The following SGSM3 variants were observed in gnomAD, a reference collection of about 807,000 sequenced individuals.
SGSM3 encodes the protein small G protein signaling modulator 3.
SGSM3 carries 96 observed loss-of-function variants against 100.5 expected under a neutral mutation model. The observed-to-expected ratio is 0.96, with a 90% CI of 0.81 to 1.13. The LOEUF (loss-of-function observed/expected upper bound fraction) is 1.13, where lower values mean the gene tolerates loss of function less well. Among genes scored for constraint, SGSM3 ranks in the 50% most tolerant of loss-of-function variants. SGSM3 has a pLI of 0.00. For synonymous variants in SGSM3, 483 were observed against 422.8 expected (o/e 1.14, Z -1.75); for missense variants, 1,001 against 1,015.8 (o/e 0.99, Z 0.20).
intron 1 of SGSM3, among the ~76,000 whole-genome samples, chr22:40,386,379 C>T (rs961763678): frequency 1.3e-5 from 2 of 152,036 alleles, no homozygotes; most frequent in African/African-American, 2.4e-5. Flanking sequence ...AGGACAACCT[C>T]GTGACGTATC....
intron 1 of SGSM3, among the ~76,000 whole-genome samples, chr22:40,383,180 A>G (rs1259505592): frequency 2.0e-5 from 3 of 152,170 alleles, no homozygotes; most frequent in South Asian, 2.1e-4. Context: ...AGAAGTCAGT[A>G]GGAACGGCCG....
intron 1 of SGSM3, chr22:40,390,340 C>G (rs969863755): frequency 3.3e-5 from 5 of 152,220 alleles, no homozygotes; most frequent in African/African-American, 1.2e-4. Context: ...AAATTTCTCC[C>G]CTTTTTAACA....
At position 40,383,424 on chromosome 22, in the gene SGSM3, G is replaced by A. The variant is rs139617957; in HGVS notation, c.-112+12736G>A. Among the ~76,000 whole-genome samples, 346 of 148,794 alleles carry A rather than the reference G, an allele frequency of 2.3e-3. 1 individual carries two copies. The highest frequency in any genetic ancestry group is 4.0e-3 in the Non-Finnish European group (271 of 67,628). On this transcript the variant is annotated intron_variant, in intron 1 of 21. Coordinates refer to ENST00000248929, the MANE Select transcript of SGSM3 (RefSeq NM_015705.6). ...GGAGCTCGCAGTGAGCCGAGATCAC[G>A]CCACTGCACTCCACCCTTGGCGACA...
intron 1 of SGSM3, among the ~76,000 whole-genome samples, chr22:40,383,938 T>C (rs1218924761): frequency 6.6e-6 from 1 of 152,058 alleles, no homozygotes; most frequent in Non-Finnish European, 1.5e-5. Flanking sequence ...TTGCAACTGA[T>C]TTGATATGAG....
chr22:40,386,735 T>G (rs917761687), intron 1 of SGSM3, among the ~76,000 whole-genome samples: 2 of 152,034 alleles, frequency 1.3e-5, no homozygotes, highest in African/African-American at 4.8e-5. Context: ...AGTTTCTTTT[T>G]TCAAAAAGTA....
chr22:40,370,844 C>T (rs778174890), intron 1 of SGSM3, among the ~76,000 whole-genome samples, 156 bp downstream of exon 1: 3 of 152,152 alleles, frequency 2.0e-5, no homozygotes, highest in South Asian at 4.1e-4. Flanking sequence ...GGAGAGCCGC[C>T]GGGCCGACCT....
At chr22:40,377,895 A>G (rs372546066) in intron 1 of SGSM3, among the ~76,000 whole-genome samples, 19 of 151,980 alleles carry the variant, frequency 1.3e-4, no homozygotes, top group African/African-American at 4.6e-4. Flanking sequence ...TAACCTGAAG[A>G]GGAGAGAAAT....
chr22:40,376,846 A>G (rs1316273910), intron 1 of SGSM3, among the ~76,000 whole-genome samples: 5 of 152,236 alleles, frequency 3.3e-5, no homozygotes, highest in African/African-American at 9.6e-5. Flanking sequence ...TAAAATCTAT[A>G]TAAAATGGCT....
In SGSM3 at chr22:40,405,768, T is replaced by A; in HGVS notation, c.738T>A (p.Thr246=). 1 of 1,613,744 alleles carries A rather than the reference T, an allele frequency of 6.2e-7. No homozygotes were observed. Among genetic ancestry groups the A allele is most frequent in the Non-Finnish European group, 8.5e-7 (1 of 1,179,976 alleles). The part of the protein sequence containing the change: ...YFSTTLLGVQ[T]DQRVLRHLIV... ...GCACCACCCTGCTGGGTGTCCAGAC[T>A]GACCAGCGGGTCCTGCGCCACCTCA... Residue 246 remains threonine, a synonymous_variant, in exon 8 of 22, where the codon ACT becomes ACA. Transcript: ENST00000248929.
chr22:40,385,036 A>G (rs1601833130), intron 1 of SGSM3, among the ~76,000 whole-genome samples: 1 of 152,198 alleles, frequency 6.6e-6, no homozygotes, highest in Non-Finnish European at 1.5e-5. Flanking sequence ...GGCAGTAAAG[A>G]AGCAGTTAAA....
chr22:40,379,291 T>G (rs986039434), intron 1 of SGSM3: 1 of 152,260 alleles, frequency 6.6e-6, no homozygotes, highest in Admixed American at 6.5e-5. Context: ...CAACACAAAG[T>G]CACCATTGGG....
intron 1 of SGSM3, among the ~76,000 whole-genome samples, chr22:40,379,744 TG>T (rs2047250424): frequency 6.6e-6 from 1 of 152,182 alleles, no homozygotes; most frequent in Non-Finnish European, 1.5e-5. Flanking sequence ...GGTCTCACTT[TG>T]TCACCCAGGC....
intron 1 of SGSM3, among the ~76,000 whole-genome samples, chr22:40,394,901 T>C (rs1433021044): frequency 6.6e-6 from 1 of 152,208 alleles, no homozygotes; most frequent in African/African-American, 2.4e-5. Context: ...TCTGTTTTCT[T>C]CATGGCATGT....
In SGSM3 at chr22:40,407,363, C is replaced by A. The variant is rs77222252; in HGVS notation, c.1368+35C>A. ...CAGCTCCCTGGGCTGCTACCAAACA[C>A]GGCCCTAACTCCTCCAACCCCCTTG... is the stretch of plus-strand genomic sequence containing the variant. On this transcript the variant is annotated intron_variant, in intron 12 of 21. Coordinates refer to ENST00000248929, the MANE Select transcript of SGSM3 (RefSeq NM_015705.6). The surrounding 1 kb of genome is among the most constrained non-coding windows in gnomAD (Gnocchi z 4.7). 6.2e-7 allele frequency: 1 copy of A among 1,612,898 alleles called. No individual in the cohort carries two copies. Among genetic ancestry groups the A allele is most frequent in the Non-Finnish European group, 8.5e-7 (1 of 1,179,558 alleles).
At chr22:40,385,375 T>G (rs1165555491) in intron 1 of SGSM3, among the ~76,000 whole-genome samples, 4 of 152,164 alleles carry the variant, frequency 2.6e-5, no homozygotes, top group Admixed American at 6.5e-5. Flanking sequence ...TTTTGTTTAA[T>G]TCAGGGTTCA....
rs747173255 is a variant in SGSM3 at position 40,404,351 on chromosome 22, G to T, written c.262G>T (p.Asp88Tyr). The T allele has an allele frequency of 6.2e-7, 1 of 1,604,508 alleles. No individual in the cohort carries two copies. The highest frequency in any genetic ancestry group is 8.5e-7 in the Non-Finnish European group (1 of 1,174,652). The change falls in exon 5 of 22, where the codon GAT becomes TAT. Residue 88 changes from aspartate to tyrosine, a missense_variant. By Grantham distance (160) the Asp-to-Tyr change is radical (BLOSUM62 -3). Transcript: ENST00000248929. ...CCACCTGGAGTTCACCCATAACCAC[G>T]ATGTGGGGGATCTCACCTGGGACAA... ...QAHLEFTHNH[D>Y]VGDLTWDKIA...
At chr22:40,408,760 C>A (rs1005159491) in intron 17 of SGSM3, 34 bp from the exon 18 acceptor site, 3 of 1,613,844 alleles carry the variant, frequency 1.9e-6, no homozygotes, top group Non-Finnish European at 2.5e-6. Context: ...CCTGACCCAG[C>A]CCCGGCACCC....
At chr22:40,395,632 AACTCTTAACTTCTT>A (rs1203819648) in intron 1 of SGSM3, among the ~76,000 whole-genome samples, 2 of 151,722 alleles carry the variant, frequency 1.3e-5, no homozygotes, top group Non-Finnish European at 2.9e-5. Context: ...CCTGCCCCGT[AACTCTTAACTTCTT>A]AACTTCCCCC....
intron 9 of SGSM3, 59 bp downstream of exon 9, chr22:40,406,282 G>T: frequency 6.2e-7 from 1 of 1,601,714 alleles, no homozygotes; most frequent in Non-Finnish European, 8.5e-7. Context: ...GGGCAGGGGA[G>T]CAAGAGACCT....
Sources: allele counts gnomAD v4.1 joint callset (sites outside exome capture counted in the v4.1 genomes callset), GRCh38; gene constraint gnomAD v4.1.1; non-coding constraint Gnocchi (gnomAD v3.1); transcripts MANE v1.5; gene names NCBI Gene and HGNC (gene_info 2026-07-23, HGNC 2026-07-21).